Variants in PLSCR5 observed in about 807,000 individuals in gnomAD.
PLSCR5 encodes phospholipid scramblase family, member 5.
A neutral mutation model predicts 33.6 loss-of-function variants in PLSCR5; 44 were observed. The observed-to-expected ratio is 1.31, with a 90% CI of 1.03 to 1.69. The LOEUF (loss-of-function observed/expected upper bound fraction) is 1.69, where lower values mean the gene tolerates loss of function less well. Among genes scored for constraint, PLSCR5 ranks in the 40% most tolerant of loss-of-function variants. PLSCR5 has a pLI of 0.00. For missense variants in PLSCR5, 375 were observed against 318.7 expected (o/e 1.18, Z -1.34); for synonymous variants, 148 against 112.3 (o/e 1.32, Z -2.01).
downstream of PLSCR5, among the ~76,000 whole-genome samples, chr3:146,583,068 C>T (rs760653590): frequency 6.6e-6 from 1 of 152,016 alleles, no homozygotes; most frequent in Non-Finnish European, 1.5e-5. Context: ...CTTGAAAAAC[C>T]CTAGCCTTCA....
At chr3:146,586,192 A>T in intron 6 of PLSCR5, 80 bp from the exon 7 acceptor site, 1 of 1,284,178 alleles carries the variant, frequency 7.8e-7, no homozygotes, top group Non-Finnish European at 1.0e-6. Context: ...GCAAGCTTTG[A>T]TTATGTAAAG....
At chr3:146,584,011 G>A (rs2044650357), downstream of PLSCR5, among the ~76,000 whole-genome samples, 1 of 152,136 alleles carries the variant, frequency 6.6e-6, no homozygotes, top group East Asian at 1.9e-4. Flanking sequence ...AGAAAATTGG[G>A]ACATGAAGCA....
intron 5 of PLSCR5, among the ~76,000 whole-genome samples, chr3:146,591,032 A>T (rs2044710090): frequency 7.2e-6 from 1 of 138,094 alleles, no homozygotes; most frequent in Non-Finnish European, 1.5e-5. Flanking sequence ...AAACTAACTT[A>T]GCAAGTCTTA....
At chr3:146,599,332 A>G (rs2044790065) in intron 2 of PLSCR5, among the ~76,000 whole-genome samples, 1 of 152,108 alleles carries the variant, frequency 6.6e-6, no homozygotes, top group Non-Finnish European at 1.5e-5. Flanking sequence ...TCACTTTATA[A>G]CCGCTTTGTC....
At chr3:146,590,940 A>C (rs1191351083) in intron 5 of PLSCR5, among the ~76,000 whole-genome samples, 1 of 151,806 alleles carries the variant, frequency 6.6e-6, no homozygotes, top group African/African-American at 2.4e-5. Context: ...TCAAATTTAC[A>C]ACTTTCTATT....
Position 146,589,277 on chromosome 3 carries a change from C to A in PLSCR5, c.777+376G>T, listed in dbSNP as rs187506215. Among the ~76,000 whole-genome samples the A allele has an allele frequency of 7.0e-4, 106 of 152,172 alleles. No homozygotes were observed. In the Middle Eastern group the frequency reaches 0.01, roughly 15 times the overall value. ...ATCTAGCTCACTATTATGCAATGAA[C>A]CAGTCTGGAACTTTATCCAGGATAA... On this transcript the variant is annotated intron_variant, in intron 6 of 7. Transcript: ENST00000443512.
At position 146,591,761 on chromosome 3, in the gene PLSCR5, G is replaced by C; in HGVS notation, c.574C>G (p.Pro192Ala). Reference sequence around the variant, plus strand: ...CCAAAACAGCCACATGTCACACAAGGACCAACAATTTTCAAAATATCTTCT... The same window carrying C: ...CCAAAACAGCCACATGTCACACAAGCACCAACAATTTTCAAAATATCTTCT... The part of the protein sequence containing the change: ...NKEDILKIVG[P>A]CVTCGCFGDV... The change falls in exon 5 of 8, where the codon CCT becomes GCT. Residue 192 changes from proline to alanine, a missense_variant. Coordinates refer to ENST00000443512, the MANE Select transcript of PLSCR5 (RefSeq NM_001085420.2). 1 of 1,611,774 alleles carries C rather than the reference G, an allele frequency of 6.2e-7. No homozygotes were observed. The highest frequency in any genetic ancestry group is 8.5e-7 in the Non-Finnish European group (1 of 1,178,792).
At chr3:146,604,568 A>T (rs1278165960) in intron 1 of PLSCR5, among the ~76,000 whole-genome samples, 2 of 152,098 alleles carry the variant, frequency 1.3e-5, no homozygotes, top group Non-Finnish European at 2.9e-5. Context: ...AACGCATGTC[A>T]GATTCTTTAT....
intron 7 of PLSCR5, among the ~76,000 whole-genome samples, chr3:146,580,454 CTTTTTTTTTTT>C (rs1170556618): frequency 5.6e-4 from 34 of 60,552 alleles, no homozygotes; most frequent in Middle Eastern, 0.016. Context: ...TTTGAATTTG[CTTTTTTTTTTT>C]TTTTTTTTTT....
Position 146,576,972 on chromosome 3 carries a change from C to T in PLSCR5, c.*45-247G>A, listed in dbSNP as rs142268742. The stretch of plus-strand genomic sequence containing the variant: ...GAAATTGTTTATGACACTGGTTGTA[C>T]ATTAGAATTACTAGTCTTTTTTTAA... On this transcript the variant is annotated intron_variant, in intron 7 of 7. Transcript: ENST00000482567. Among the ~76,000 whole-genome samples, 135 of 151,720 alleles carry T rather than the reference C, an allele frequency of 8.9e-4. 1 individual carries two copies. Among genetic ancestry groups the T allele is most frequent in the African/African-American group, 3.2e-3 (134 of 41,362 alleles).
In PLSCR5 at chr3:146,589,689, T is replaced by A; in HGVS notation, c.741A>T (p.Thr247=). The change falls in exon 6 of 8, where the codon ACA becomes ACT. Residue 247 remains threonine, a synonymous_variant. Coordinates refer to ENST00000443512, the MANE Select transcript of PLSCR5 (RefSeq NM_001085420.2). Reference sequence around the variant, plus strand: ...AGGCACCGATCATTGCTGCTTTGACTGTTACATCTAGATCTGCAGGAACAT... The same window carrying A: ...AGGCACCGATCATTGCTGCTTTGACAGTTACATCTAGATCTGCAGGAACAT... The part of the protein sequence containing the change: ...GIHVPADLDV[T]VKAAMIGACF... 1 of 1,602,402 alleles carries A rather than the reference T, an allele frequency of 6.2e-7. No individual in the cohort carries two copies. The highest frequency in any genetic ancestry group is 1.1e-5 in the South Asian group (1 of 89,732).
At chr3:146,601,793 T>A (rs1689018208) in intron 1 of PLSCR5, among the ~76,000 whole-genome samples, 1 of 152,160 alleles carries the variant, frequency 6.6e-6, no homozygotes, top group Non-Finnish European at 1.5e-5. Flanking sequence ...ATCTTTATCT[T>A]TTAAATCTGT....
downstream of PLSCR5, among the ~76,000 whole-genome samples, chr3:146,581,313 T>G (rs1393734663): frequency 6.6e-6 from 1 of 152,230 alleles, no homozygotes; most frequent in Non-Finnish European, 1.5e-5. Flanking sequence ...AGTGGTAGAT[T>G]CCTTGTCAAT....
chr3:146,596,883 TAA>T (rs1370886507), intron 2 of PLSCR5, among the ~76,000 whole-genome samples: 5 of 152,162 alleles, frequency 3.3e-5, no homozygotes, highest in Non-Finnish European at 7.4e-5. Context: ...ATTTATGATC[TAA>T]GATATTCTAA....
intron 6 of PLSCR5, 23 bp downstream of exon 6, chr3:146,589,630 A>C: frequency 1.3e-6 from 2 of 1,518,686 alleles, no homozygotes; most frequent in Middle Eastern, 1.8e-4. Context: ...CAAATCACTC[A>C]TGCTCTCAAA....
At chr3:146,603,825 T>A (rs2044840355) in intron 1 of PLSCR5, among the ~76,000 whole-genome samples, 1 of 151,206 alleles carries the variant, frequency 6.6e-6, no homozygotes, top group Non-Finnish European at 1.5e-5. Flanking sequence ...AAGGAAATAT[T>A]TGTCAAGGTT....
exon 8 of PLSCR5, chr3:146,576,623 G>A (rs1189905898): frequency 6.6e-6 from 1 of 151,872 alleles, no homozygotes; most frequent in Admixed American, 6.6e-5. Context: ...GTTGCACCTG[G>A]TCATCTCTGA....
rs1459282246 is a variant in PLSCR5 at position 146,586,125 on chromosome 3, A to G, written c.778-13T>C. ...AGAACATAAAATCCTACAAATAAGT[A>G]AACTGAATATAAGTGAATTTACAAA... On this transcript the variant is annotated splice_polypyrimidine_tract_variant and intron_variant, in intron 6 of 7. Coordinates refer to ENST00000443512, the MANE Select transcript of PLSCR5 (RefSeq NM_001085420.2). 6.8e-7 allele frequency: 1 copy of G among 1,474,392 alleles called. No homozygotes were observed. The highest frequency in any genetic ancestry group is 1.4e-5 in the African/African-American group (1 of 69,122). 91.3% of individuals were successfully genotyped at this position (1,474,392 alleles called of 1,614,324 possible).
intron 5 of PLSCR5, 78 bp downstream of exon 5, chr3:146,591,642 G>A (rs2044715209): frequency 2.2e-6 from 3 of 1,383,514 alleles, no homozygotes; most frequent in African/African-American, 1.5e-5. Flanking sequence ...AAATTAATTT[G>A]AACATAAAAA....
Sources: allele counts gnomAD v4.1 joint callset (sites outside exome capture counted in the v4.1 genomes callset), GRCh38; gene constraint gnomAD v4.1.1; transcripts MANE v1.5; gene names NCBI Gene and HGNC (gene_info 2026-07-23, HGNC 2026-07-21).